NDUFAF6: variants seen among roughly 807,000 people sequenced by gnomAD.
NDUFAF6 encodes the protein NADH dehydrogenase (ubiquinone) complex I, assembly factor 6.
In NDUFAF6, 45 loss-of-function variants were observed where a neutral mutation model predicts 40.8. The ratio of observed to expected loss-of-function variants is 1.10; its 90% CI spans 0.87 to 1.42. NDUFAF6 has a LOEUF of 1.42. NDUFAF6 is among the 40% of genes most tolerant of loss of function. The pLI is 0.00. For synonymous variants in NDUFAF6, 185 were observed against 155.9 expected, an observed-to-expected ratio of 1.19 and a Z score of -1.39; for missense variants, 435 against 418.5, an observed-to-expected ratio of 1.04 and a Z score of -0.34.
intron 2 of NDUFAF6, among the ~76,000 whole-genome samples, chr8:95,019,676 T>A (rs1024040734): frequency 1.3e-5 from 2 of 152,172 alleles, no homozygotes; most frequent in Non-Finnish European, 2.9e-5. Flanking sequence ...TTGCATAACA[T>A]AGTGACCACT....
At chr8:95,030,553 C>T (rs1828708204) in intron 1 of NDUFAF6, among the ~76,000 whole-genome samples, 1 of 152,128 alleles carries the variant, frequency 6.6e-6, no homozygotes, top group Non-Finnish European at 1.5e-5. Flanking sequence ...TTTTTTGATC[C>T]TGAAATTGCT....
intron 2 of NDUFAF6, among the ~76,000 whole-genome samples, chr8:94,994,322 G>T (rs1408560924): frequency 6.6e-6 from 1 of 151,936 alleles, no homozygotes; most frequent in East Asian, 1.9e-4. Context: ...AGGCCGAGGC[G>T]AGTGGATCAC....
downstream of NDUFAF6, among the ~76,000 whole-genome samples, chr8:95,079,877 A>G (rs1469098709): frequency 3.6e-5 from 1 of 27,440 alleles, no homozygotes; most frequent in Non-Finnish European, 7.2e-5. Context: ...TAAATTTTGT[A>G]TTTTTTGTAG....
At chr8:94,984,485 C>T (rs111397925) in intron 2 of NDUFAF6, among the ~76,000 whole-genome samples, 9 of 152,322 alleles carry the variant, frequency 5.9e-5, no homozygotes, top group African/African-American at 1.7e-4. Flanking sequence ...CTCAAATCCT[C>T]CCCAATACCC....
intron 1 of NDUFAF6, chr8:94,939,667 G>T: frequency 1.3e-6 from 1 of 779,792 alleles, no homozygotes; most frequent in Non-Finnish European, 2.0e-6. Context: ...CAAAGTGCTG[G>T]GATTACAGGT....
upstream of NDUFAF6, among the ~76,000 whole-genome samples, chr8:95,021,170 A>G (rs940259643): frequency 1.3e-5 from 2 of 152,168 alleles, no homozygotes; most frequent in Non-Finnish European, 2.9e-5. Flanking sequence ...AGTGTAATAA[A>G]CATTGCCCAT....
chr8:95,105,576 C>T (rs1809816528), downstream of NDUFAF6, among the ~76,000 whole-genome samples: 1 of 152,074 alleles, frequency 6.6e-6, no homozygotes, highest in African/African-American at 2.4e-5. Context: ...GCTCTATTGC[C>T]CAGGCTGGAG....
chr8:94,929,482 A>G (rs1158369038), intron 1 of NDUFAF6: 1 of 145,908 alleles, frequency 6.9e-6, no homozygotes, highest in African/African-American at 2.6e-5. Context: ...CATGAAAGAC[A>G]TCATCACCAG....
intron 1 of NDUFAF6, among the ~76,000 whole-genome samples, chr8:94,944,219 C>T (rs149259886): frequency 1.3e-5 from 2 of 152,300 alleles, no homozygotes; most frequent in Non-Finnish European, 2.9e-5. Context: ...AGGGGAGAAC[C>T]ACACAGGGGA....
intron 1 of NDUFAF6, among the ~76,000 whole-genome samples, chr8:94,914,200 T>G (rs1199005711): frequency 2.6e-5 from 4 of 151,872 alleles, no homozygotes; most frequent in African/African-American, 9.7e-5. Context: ...TGATGTCGGT[T>G]TTATAGTTTT....
upstream of NDUFAF6, chr8:94,957,979 C>T (rs1022905211): frequency 6.6e-6 from 1 of 152,364 alleles, no homozygotes; most frequent in African/African-American, 2.4e-5. Context: ...CCCTATGTCT[C>T]GTTTGTTGTC....
chr8:94,992,690 TTGAGA>T (rs1442195060), intron 2 of NDUFAF6, among the ~76,000 whole-genome samples: 3 of 152,218 alleles, frequency 2.0e-5, no homozygotes, highest in African/African-American at 7.2e-5. Flanking sequence ...TCTGTCCTCC[TTGAGA>T]TATCTAAAGA....
rs116948650 is a variant in NDUFAF6 at position 94,982,503 on chromosome 8, C to T, written c.-84+1530C>T. On this transcript the variant is annotated intron_variant, in intron 2 of 9. Coordinates refer to the NDUFAF6 transcript ENST00000396111. ...CTCATCTTTAAGTGATGCATGACTG[C>T]GTATCTCCCCTGAAGAAATAGCAAT... Among the ~76,000 whole-genome samples, 135 of 152,292 alleles carry T rather than the reference C, an allele frequency of 8.9e-4. 5 individuals carry two copies. The East Asian group carries it at 0.019, about 22-fold the overall frequency.
intron 2 of NDUFAF6, among the ~76,000 whole-genome samples, chr8:95,019,345 T>C (rs1448813355): frequency 6.6e-6 from 1 of 152,230 alleles, no homozygotes; most frequent in Admixed American, 6.5e-5. Context: ...AACAATAGTA[T>C]TTTCAAACTT....
chr8:95,065,210 G>A (rs1348971902), intron 9 of NDUFAF6, among the ~76,000 whole-genome samples: 1 of 152,218 alleles, frequency 6.6e-6, no homozygotes, highest in Non-Finnish European at 1.5e-5. Flanking sequence ...TGTTTGGTCA[G>A]AAGCACAGGT....
intron 1 of NDUFAF6, among the ~76,000 whole-genome samples, chr8:94,913,406 C>T (rs914834403): frequency 6.6e-6 from 1 of 152,218 alleles, no homozygotes; most frequent in African/African-American, 2.4e-5. Context: ...ATTGACTGAT[C>T]ACACATTTTC....
intron 2 of NDUFAF6, among the ~76,000 whole-genome samples, chr8:95,016,264 A>G (rs1012854022): frequency 3.3e-5 from 5 of 152,228 alleles, no homozygotes; most frequent in African/African-American, 1.2e-4. Context: ...TTGTTTTGCA[A>G]TCTTTTAACA....
chr8:95,002,763 T>C (rs1826793339), intron 2 of NDUFAF6, among the ~76,000 whole-genome samples: 1 of 152,190 alleles, frequency 6.6e-6, no homozygotes, highest in Non-Finnish European at 1.5e-5. Context: ...ACACATGTAT[T>C]TGTCGAGACC....
intron 1 of NDUFAF6, among the ~76,000 whole-genome samples, chr8:94,931,877 C>A (rs944523461): frequency 1.3e-5 from 2 of 152,068 alleles, no homozygotes; most frequent in African/African-American, 4.8e-5. Flanking sequence ...GAGGCTGAAA[C>A]AAGAGAATCA....
Sources: gnomAD v4.1 joint callset for allele counts (sites outside exome capture counted in the v4.1 genomes callset) on GRCh38, gnomAD v4.1.1 for gene constraint, MANE v1.5 for transcripts, NCBI Gene and HGNC (gene_info 2026-07-23, HGNC 2026-07-21) for gene names.